The following CD300LF variants were observed in gnomAD, a reference collection of about 807,000 sequenced individuals.
CD300LF encodes CD300 molecule like family member f.
CD300LF carries 27 observed loss-of-function variants against 32.2 expected under a neutral mutation model. The observed-to-expected ratio is 0.84, with a 90% CI of 0.62 to 1.15. The LOEUF is 1.15. Ranked by LOEUF, CD300LF falls within the 50% of genes most tolerant of loss-of-function variation. The pLI, the probability that CD300LF is intolerant of heterozygous loss-of-function variation, is 0.00. For missense variants in CD300LF, 348 were observed against 356.8 expected, an observed-to-expected ratio of 0.98 and a Z score of 0.20; for synonymous variants, 139 against 143.2, an observed-to-expected ratio of 0.97 and a Z score of 0.21.
intron 2 of CD300LF, among the ~76,000 whole-genome samples, chr17:74,703,840 G>A (rs897581923): frequency 1.3e-5 from 2 of 152,198 alleles, no homozygotes; most frequent in Non-Finnish European, 2.9e-5. Context: ...CCGAGGCACT[G>A]GGACCCCTGA....
intron 1 of CD300LF, 25 bp from the exon 2 acceptor site, chr17:74,704,841 G>A (rs780946057): frequency 2.5e-6 from 4 of 1,573,364 alleles, no homozygotes; most frequent in African/African-American, 2.7e-5. Context: ...TTCATGTGCT[G>A]TCACCTCCCA....
At chr17:74,695,597 T>C in intron 6 of CD300LF, 128 bp downstream of exon 6, 1 of 1,360,474 alleles carries the variant, frequency 7.4e-7, no homozygotes, top group Non-Finnish European at 1.0e-6. Flanking sequence ...GCAGTGACTA[T>C]GGCTTTGCCC....
chr17:74,698,650 TGAG>T, intron 3 of CD300LF, 169 bp from the exon 4 acceptor site: 1 of 1,457,414 alleles, frequency 6.9e-7, no homozygotes. Context: ...GGGTTTACAA[TGAG>T]TACACATAGA....
At chr17:74,705,893 C>T (rs2143804611) in intron 1 of CD300LF, among the ~76,000 whole-genome samples, 1 of 152,318 alleles carries the variant, frequency 6.6e-6, no homozygotes, top group Non-Finnish European at 1.5e-5. Flanking sequence ...CAACGCCTGG[C>T]CTGTATTTTC....
intron 3 of CD300LF, among the ~76,000 whole-genome samples, chr17:74,698,823 T>C (rs1390489058): frequency 6.6e-6 from 1 of 152,228 alleles, no homozygotes; most frequent in East Asian, 1.9e-4. Context: ...ACGTGCAATT[T>C]ACCGATATAA....
In CD300LF at chr17:74,712,843, C is replaced by G; in HGVS notation, c.24G>C (p.Leu8=). The G allele has an allele frequency of 6.2e-7, 1 of 1,614,052 alleles. No homozygotes were observed. The highest frequency in any genetic ancestry group is 1.1e-5 in the South Asian group (1 of 91,080). Residue 8 remains leucine (L), a synonymous_variant, in exon 1 of 7, where the codon CTG becomes CTC. Transcript: ENST00000326165. MPLLTLY[L]LLFWLSGYSI... ...GCTCACCTGAGAGCCAGAAGAGGAG[C>G]AGGTAGAGTGTCAGCAGGGGCATCT...
At chr17:74,709,442 C>T (rs557618261) in intron 1 of CD300LF, among the ~76,000 whole-genome samples, 2 of 152,258 alleles carry the variant, frequency 1.3e-5, no homozygotes, top group South Asian at 4.1e-4. Context: ...TAGTGCGAGA[C>T]ATTCATATGT....
intron 3 of CD300LF, among the ~76,000 whole-genome samples, 186 bp downstream of exon 3, chr17:74,702,849 A>C (rs953256330): frequency 3.3e-5 from 5 of 152,198 alleles, no homozygotes; most frequent in Admixed American, 3.3e-4. Context: ...AGAATGAAGG[A>C]TCTGTGGAGA....
chr17:74,694,976 C>T lies in CD300LF; in HGVS notation c.*120G>A. 1 of 1,140,506 alleles carries T rather than the reference C, an allele frequency of 8.8e-7. No homozygotes were observed. The highest frequency in any genetic ancestry group is 1.2e-6 in the Non-Finnish European group (1 of 804,686). 70.6% of individuals were successfully genotyped at this position (1,140,506 alleles called of 1,614,324 possible). A position where few individuals can be genotyped will look rare whatever the true frequency, so the allele number is the denominator to read the frequency against. On this transcript the variant is annotated 3_prime_UTR_variant, in exon 7 of 7. Transcript: ENST00000326165. ...AACCCAGAGCTAGGGGCAATGCTGG[C>T]TGATCAGGCAGAGGCACCAGTCCCC...
At chr17:74,711,206 A>AT (rs2033937173) in intron 1 of CD300LF, among the ~76,000 whole-genome samples, 1 of 152,134 alleles carries the variant, frequency 6.6e-6, no homozygotes, top group South Asian at 2.1e-4. Flanking sequence ...GAGCTGATGC[A>AT]TGCAGGTTCA....
At chr17:74,701,430 C>T (rs975516216) in intron 3 of CD300LF, among the ~76,000 whole-genome samples, 2 of 152,124 alleles carry the variant, frequency 1.3e-5, no homozygotes, top group South Asian at 2.1e-4. Context: ...AGGCCCTAAT[C>T]GGGCACTTAC....
chr17:74,698,280 G>A, intron 4 of CD300LF, 89 bp downstream of exon 4: 2 of 923,410 alleles, frequency 2.2e-6, no homozygotes, highest in South Asian at 1.5e-5. Context: ...CTGATTGTGT[G>A]GGTAATCCCT....
chr17:74,698,713 A>C (rs2032757039), intron 3 of CD300LF: 2 of 1,043,718 alleles, frequency 1.9e-6, no homozygotes, highest in South Asian at 3.8e-5. Flanking sequence ...TTGAGGATGG[A>C]GGGTGGGAGG....
intron 1 of CD300LF, among the ~76,000 whole-genome samples, chr17:74,709,742 A>T (rs1242153232): frequency 6.8e-6 from 1 of 146,066 alleles, no homozygotes; most frequent in African/African-American, 2.5e-5. Context: ...CCAGGCTAGT[A>T]TTTTTTTTTT....
chr17:74,698,667 AAAG>A, intron 3 of CD300LF, 186 bp from the exon 4 acceptor site: 2 of 1,408,020 alleles, frequency 1.4e-6, no homozygotes, highest in Middle Eastern at 2.2e-4. Flanking sequence ...ACATAGACAC[AAAG>A]AAGGGAATGG....
rs142349923 is a variant in CD300LF at position 74,706,573 on chromosome 17, C to T, written c.44-1757G>A. ...ATCCCAGCTACTCGGGAGGCTGAGG[C>T]AAGAGAATCGCTTGAACCCGGGAGG... On this transcript the variant is annotated intron_variant, in intron 1 of 6. Transcript: ENST00000326165. Among the ~76,000 whole-genome samples the T allele has an allele frequency of 1.6e-3, 236 of 152,170 alleles. 2 individuals carry two copies. Among genetic ancestry groups the T allele is most frequent in the Middle Eastern group, 0.014 (4 of 294 alleles).
intron 1 of CD300LF, 115 bp downstream of exon 1, chr17:74,712,709 C>T (rs898375564): frequency 1.9e-6 from 2 of 1,054,270 alleles, no homozygotes; most frequent in African/African-American, 1.6e-5. Context: ...GTGGATGAAA[C>T]GCACAAGGCT....
chr17:74,712,300 G>A (rs1337936467), intron 1 of CD300LF, among the ~76,000 whole-genome samples: 1 of 152,070 alleles, frequency 6.6e-6, no homozygotes, highest in African/African-American at 2.4e-5. Flanking sequence ...CTACGTCCCT[G>A]CCAGTCTTAT....
intron 1 of CD300LF, among the ~76,000 whole-genome samples, chr17:74,709,502 TG>T (rs1423894123): frequency 2.0e-5 from 3 of 152,218 alleles, no homozygotes; most frequent in African/African-American, 7.2e-5. Flanking sequence ...TGCACTTTTT[TG>T]TACATTTTAT....
Sources: allele counts gnomAD v4.1 joint callset (sites outside exome capture counted in the v4.1 genomes callset), GRCh38; gene constraint gnomAD v4.1.1; transcripts MANE v1.5; gene names NCBI Gene and HGNC (gene_info 2026-07-23, HGNC 2026-07-21).